Variants in PSMD14 observed in about 807,000 individuals in gnomAD.
PSMD14 encodes the protein ubiquitin C-terminal hydrolase PSMD14.
A neutral mutation model predicts 41.2 loss-of-function variants in PSMD14; 7 were observed. That is an observed-to-expected ratio of 0.17 (90% CI 0.10 to 0.32). The LOEUF is 0.32. PSMD14 is among the 10% of genes least tolerant of loss of function. PSMD14 has a pLI of 1.00. For missense variants in PSMD14, 139 were observed against 375.6 expected (o/e 0.37, Z 5.21); for synonymous variants, 114 against 122.3 (o/e 0.93, Z 0.45).
At chr2:161,369,999 A>G in intron 5 of PSMD14, 108 bp from the exon 6 acceptor site, 2 of 684,418 alleles carry the variant, frequency 2.9e-6, no homozygotes, top group Non-Finnish European at 4.8e-6. Flanking sequence ...TATCAAATGT[A>G]GGTATCAAAA....
intron 9 of PSMD14, among the ~76,000 whole-genome samples, chr2:161,391,883 G>C (rs1231496343): frequency 6.6e-6 from 1 of 152,094 alleles, no homozygotes; most frequent in East Asian, 1.9e-4. Context: ...ATTAGCATGA[G>C]CCATTGCACC....
intron 11 of PSMD14, among the ~76,000 whole-genome samples, chr2:161,410,080 TTAA>T (rs1245568715): frequency 1.3e-5 from 2 of 152,156 alleles, no homozygotes; most frequent in African/African-American, 2.4e-5. Flanking sequence ...TTGGCAAAGT[TTAA>T]TAATCATCAG....
chr2:161,391,275 CT>C lies in PSMD14; in HGVS notation c.645+100del, dbSNP rs1403489506. ...TGATTTAAATTCGAATTTTTGACCT[CT>C]TTCAGTGTTTCCAAATATTATTCCA... On this transcript the variant is annotated intron_variant, in intron 9 of 11. Transcript: ENST00000409682. 3.3e-6 allele frequency: 4 copies of C among 1,210,424 alleles called. No individual in the cohort carries two copies. The African/African-American group carries it at 4.6e-5, about 14-fold the overall frequency. 75.0% of individuals were successfully genotyped at this position (1,210,424 alleles called of 1,614,324 possible). A position where few individuals can be genotyped will look rare whatever the true frequency, so the allele number is the denominator to read the frequency against.
intron 9 of PSMD14, among the ~76,000 whole-genome samples, chr2:161,393,652 TA>T (rs1683747177): frequency 6.6e-6 from 1 of 152,178 alleles, no homozygotes; most frequent in African/African-American, 2.4e-5. Context: ...GGATCTCATT[TA>T]AAGTATAATG....
At chr2:161,408,282 TGTAA>T (rs1302441481) in intron 10 of PSMD14, 4 of 152,974 alleles carry the variant, frequency 2.6e-5, no homozygotes, top group African/African-American at 9.6e-5. Context: ...CTTTTAGAGA[TGTAA>T]AGATGTGAAA....
At chr2:161,317,347 T>C (rs1689158301) in intron 2 of PSMD14, among the ~76,000 whole-genome samples, 1 of 152,188 alleles carries the variant, frequency 6.6e-6, no homozygotes, top group South Asian at 2.1e-4. Context: ...GTGAGTCTTA[T>C]AAACATGTTA....
At chr2:161,334,338 A>G (rs1185798436) in intron 3 of PSMD14, among the ~76,000 whole-genome samples, 2 of 152,216 alleles carry the variant, frequency 1.3e-5, no homozygotes, top group Admixed American at 6.5e-5. Flanking sequence ...CTCCATTTCA[A>G]TTAAAATTTT....
At chr2:161,385,335 T>C (rs62188123) in intron 7 of PSMD14, 129 bp from the exon 8 acceptor site, 60,550 of 436,478 alleles carry the variant, frequency 0.14, 4,991 homozygotes, top group East Asian at 0.26. Flanking sequence ...TTTTTATTAA[T>C]ATTATAATTA....
chr2:161,322,391 GTTATTA>G (rs1258270152), intron 3 of PSMD14, among the ~76,000 whole-genome samples: 2 of 151,906 alleles, frequency 1.3e-5, no homozygotes, highest in Non-Finnish European at 2.9e-5. Context: ...TCATGTTATT[GTTATTA>G]TTATTATTTT....
chr2:161,382,036 G>A (rs2105262731), intron 7 of PSMD14: 1 of 151,766 alleles, frequency 6.6e-6, no homozygotes, highest in East Asian at 1.9e-4. Context: ...CTTCTACTTG[G>A]CTGTTATATC....
intron 3 of PSMD14, among the ~76,000 whole-genome samples, chr2:161,322,882 T>C (rs1682629634): frequency 6.6e-6 from 1 of 152,164 alleles, no homozygotes; most frequent in Non-Finnish European, 1.5e-5. Context: ...TTCTAGTTTC[T>C]TAATTTTCTC....
intron 3 of PSMD14, among the ~76,000 whole-genome samples, chr2:161,354,118 G>C (rs1443776646): frequency 6.6e-6 from 1 of 152,122 alleles, no homozygotes; most frequent in Non-Finnish European, 1.5e-5. Context: ...TCTGTTATGA[G>C]ACGTTCAGGT....
At chr2:161,330,465 AC>A (rs1176132320) in intron 3 of PSMD14, among the ~76,000 whole-genome samples, 1 of 152,198 alleles carries the variant, frequency 6.6e-6, no homozygotes, top group African/African-American at 2.4e-5. Context: ...TTTACTGGTT[AC>A]ATTGCTATTT....
At chr2:161,374,063 A>G (rs1185394442) in intron 7 of PSMD14, among the ~76,000 whole-genome samples, 1 of 151,934 alleles carries the variant, frequency 6.6e-6, no homozygotes, top group Non-Finnish European at 1.5e-5. Context: ...AAAGATATGA[A>G]TCCAGTTCTG....
intron 3 of PSMD14, 145 bp from the exon 4 acceptor site, chr2:161,367,332 TG>T: frequency 3.2e-6 from 2 of 628,196 alleles, no homozygotes; most frequent in Non-Finnish European, 5.5e-6. Flanking sequence ...AAATGTGTTT[TG>T]ATTATGTCAT....
chr2:161,379,416 A>G (rs1683545370), intron 7 of PSMD14, among the ~76,000 whole-genome samples: 1 of 152,138 alleles, frequency 6.6e-6, no homozygotes, highest in African/African-American at 2.4e-5. Flanking sequence ...TAAAAGAGAG[A>G]TAATAACCTT....
At chr2:161,407,682 C>T (rs181528326) in intron 10 of PSMD14, 5 of 152,202 alleles carry the variant, frequency 3.3e-5, no homozygotes, top group Admixed American at 3.3e-4. Flanking sequence ...AATTTGGCAG[C>T]TGTGAGATTA....
chr2:161,390,629 G>T (rs981369126), intron 8 of PSMD14, among the ~76,000 whole-genome samples: 6 of 152,114 alleles, frequency 3.9e-5, no homozygotes, highest in Non-Finnish European at 7.4e-5. Flanking sequence ...AGTTAATTTG[G>T]AGACATGCAT....
intron 3 of PSMD14, among the ~76,000 whole-genome samples, chr2:161,362,920 TA>T (rs1407703707): frequency 3.3e-5 from 5 of 152,264 alleles, no homozygotes; most frequent in Non-Finnish European, 7.3e-5. Flanking sequence ...TGCCTTTGTT[TA>T]TTGTTTCTGT....
Sources: allele counts gnomAD v4.1 joint callset (sites outside exome capture counted in the v4.1 genomes callset), GRCh38; gene constraint gnomAD v4.1.1; transcripts MANE v1.5; gene names NCBI Gene and HGNC (gene_info 2026-07-23, HGNC 2026-07-21).